Variants in TENM2 observed in about 807,000 individuals in gnomAD.
TENM2 encodes teneurin-2.
In TENM2, 52 loss-of-function variants were observed where a neutral mutation model predicts 245.2. That is an observed-to-expected ratio of 0.21 (90% CI 0.17 to 0.27). The LOEUF (loss-of-function observed/expected upper bound fraction) is 0.27. Among genes scored for constraint, TENM2 ranks in the 10% least tolerant of loss-of-function variants. The pLI is 1.00. For missense variants in TENM2, 3,046 were observed against 3,666.8 expected (o/e 0.83, Z 4.37); for synonymous variants, 1,363 against 1,438.9 (o/e 0.95, Z 1.19).
the TENM2 span, among the ~76,000 whole-genome samples, chr5:167,161,348 T>C: frequency 2.8e-4 from 42 of 152,298 alleles, no homozygotes; most frequent in African/African-American, 9.1e-4. Context: ...GAAATTTCTA[T>C]CAGCAAATTA....
At chr5:167,086,992 G>A in the TENM2 span, among the ~76,000 whole-genome samples, 1 of 150,962 alleles carries the variant, frequency 6.6e-6, no homozygotes, top group African/African-American at 2.4e-5. Flanking sequence ...TACCTTCAAT[G>A]ATTGTGATTT....
At chr5:167,867,385 A>G (rs1772411964) in intron 2 of TENM2, among the ~76,000 whole-genome samples, 1 of 152,200 alleles carries the variant, frequency 6.6e-6, no homozygotes, top group African/African-American at 2.4e-5. Context: ...ACGACACCCA[A>G]ATGCATAGGG....
chr5:168,028,046 A>C (rs1786780666), intron 5 of TENM2, among the ~76,000 whole-genome samples: 1 of 152,196 alleles, frequency 6.6e-6, no homozygotes, highest in Non-Finnish European at 1.5e-5. Flanking sequence ...GCTTGCAGAG[A>C]TCTTTGGGTT....
At chr5:168,022,076 T>A (rs970167116) in intron 5 of TENM2, among the ~76,000 whole-genome samples, 1 of 152,254 alleles carries the variant, frequency 6.6e-6, no homozygotes, top group African/African-American at 2.4e-5. Flanking sequence ...TTTCTCATTT[T>A]AAAATCAATA....
At chr5:168,260,670 A>G (rs964112743) in intron 28 of TENM2, among the ~76,000 whole-genome samples, 14 of 151,980 alleles carry the variant, frequency 9.2e-5, no homozygotes, top group African/African-American at 3.4e-4. Flanking sequence ...CCTTTGAGTC[A>G]CTCCTTGATT....
At chr5:168,064,579 T>C (rs1790332400) in intron 7 of TENM2, among the ~76,000 whole-genome samples, 1 of 152,250 alleles carries the variant, frequency 6.6e-6, no homozygotes, top group South Asian at 2.1e-4. Context: ...AAATCCTCAA[T>C]GACAATGTCT....
At chr5:167,301,310 G>A (rs1156359024) in intron 1 of TENM2, among the ~76,000 whole-genome samples, 2 of 152,204 alleles carry the variant, frequency 1.3e-5, no homozygotes, top group African/African-American at 2.4e-5. Context: ...CCTGGGCTGC[G>A]GGCATTCCTT....
At chr5:167,959,035 A>T (rs1040741395) in intron 4 of TENM2, among the ~76,000 whole-genome samples, 26 of 152,100 alleles carry the variant, frequency 1.7e-4, no homozygotes, top group African/African-American at 5.8e-4. Flanking sequence ...CTGTCTTGCT[A>T]GGTTGGGGAA....
intron 1 of TENM2, among the ~76,000 whole-genome samples, chr5:167,300,876 TG>T (rs1755270946): frequency 1.3e-5 from 2 of 152,076 alleles, no homozygotes; most frequent in South Asian, 4.1e-4. Flanking sequence ...ATAAGGGAAC[TG>T]GGCAGGTGGA....
In TENM2 at chr5:167,472,307, C is replaced by A. The variant is rs115399395; in HGVS notation, c.502+96834C>A. Among the ~76,000 whole-genome samples, 749 of 152,228 alleles carry A rather than the reference C, an allele frequency of 4.9e-3. 7 individuals are homozygous for A. The highest frequency in any genetic ancestry group is 0.017 in the African/African-American group (700 of 41,550). On this transcript the variant is annotated intron_variant, in intron 2 of 28. Coordinates refer to ENST00000518659, the Ensembl canonical transcript of TENM2. ...CCAAGTTAAGTTTCCCTTTTATACC[C>A]ATTATTGGAAATTATAGCCAGTGTT... is the stretch of plus-strand genomic sequence containing the variant.
At chr5:168,074,776 A>G (rs1791319753) in intron 7 of TENM2, among the ~76,000 whole-genome samples, 1 of 152,126 alleles carries the variant, frequency 6.6e-6, no homozygotes, top group Admixed American at 6.6e-5. Context: ...CATCCCCCAG[A>G]TATTTCAGGT....
chr5:167,607,314 C>T (rs546926006), intron 2 of TENM2, among the ~76,000 whole-genome samples: 3 of 152,264 alleles, frequency 2.0e-5, no homozygotes, highest in Non-Finnish European at 2.9e-5. Context: ...CTCATCCCAG[C>T]GCTGCTCGAT....
intron 9 of TENM2, 66 bp downstream of exon 11, chr5:168,098,193 A>G: frequency 1.8e-6 from 2 of 1,129,930 alleles, no homozygotes; most frequent in Non-Finnish European, 2.6e-6. Flanking sequence ...CTGAGCGGGT[A>G]ACAGAAGGGA....
chr5:167,759,915 A>G (rs1226247937), intron 2 of TENM2, among the ~76,000 whole-genome samples: 2 of 151,886 alleles, frequency 1.3e-5, no homozygotes, highest in Non-Finnish European at 2.9e-5. Context: ...TTAAAAAAAC[A>G]TAGATTCTGT....
intron 4 of TENM2, among the ~76,000 whole-genome samples, chr5:167,964,415 T>G (rs1047704275): frequency 6.6e-6 from 1 of 152,224 alleles, no homozygotes. Flanking sequence ...CTAATTTTAA[T>G]CATCAAGATC....
intron 2 of TENM2, among the ~76,000 whole-genome samples, chr5:167,449,308 C>A (rs1406346460): frequency 3.3e-5 from 5 of 152,124 alleles, no homozygotes; most frequent in Admixed American, 3.3e-4. Flanking sequence ...AAGAGGTTAA[C>A]ACACTCCAGT....
chr5:167,642,502 TAC>T (rs1779677218), intron 2 of TENM2, among the ~76,000 whole-genome samples: 1 of 152,180 alleles, frequency 6.6e-6, no homozygotes, highest in South Asian at 2.1e-4. Flanking sequence ...CTCATCTTCC[TAC>T]ACACAAACAT....
chr5:168,204,469 C>T (rs1379099029), exon 19 of TENM2: 5 of 1,613,912 alleles, frequency 3.1e-6, no homozygotes, highest in Non-Finnish European at 3.4e-6. Context: ...GGAGCATTTC[C>T]TGTCCCAGCT....
At chr5:167,615,287 G>A (rs1777722576) in intron 2 of TENM2, among the ~76,000 whole-genome samples, 1 of 152,032 alleles carries the variant, frequency 6.6e-6, no homozygotes, top group Admixed American at 6.6e-5. Context: ...GAAGTGGTGG[G>A]CAGTAAATAT....
Sources: allele counts gnomAD v4.1 joint callset (sites outside exome capture counted in the v4.1 genomes callset), GRCh38; gene constraint gnomAD v4.1.1; transcripts MANE v1.5; gene names NCBI Gene and HGNC (gene_info 2026-07-23, HGNC 2026-07-21).